Variants in BARD1 observed in about 807,000 individuals in gnomAD.
BARD1 encodes the protein BRCA1 associated RING domain 1.
In BARD1, 73 loss-of-function variants were observed where a neutral mutation model predicts 77.0. That is an observed-to-expected ratio of 0.95 (90% CI 0.79 to 1.15). BARD1 has a LOEUF of 1.15. Ranked by LOEUF, BARD1 falls within the 50% of genes most tolerant of loss-of-function variation. The pLI, the probability that BARD1 is intolerant of heterozygous loss-of-function variation, is 0.00. For synonymous variants in BARD1, 384 were observed against 338.0 expected (o/e 1.14, Z -1.49); for missense variants, 993 against 938.8 (o/e 1.06, Z -0.75).
At chr2:214,800,386 G>A (rs992538352) in intron 1 of BARD1, among the ~76,000 whole-genome samples, 1 of 152,106 alleles carries the variant, frequency 6.6e-6, no homozygotes, top group Non-Finnish European at 1.5e-5. Flanking sequence ...TGAGAGAGAA[G>A]GGAGTGCCAA....
intron 9 of BARD1, among the ~76,000 whole-genome samples, chr2:214,742,247 C>G (rs1692870653): frequency 6.6e-6 from 1 of 152,006 alleles, no homozygotes; most frequent in African/African-American, 2.4e-5. Flanking sequence ...TCAAACTGAG[C>G]CAGGTGCAGT....
At chr2:214,789,662 C>T (rs1313727721) in intron 3 of BARD1, among the ~76,000 whole-genome samples, 1 of 152,028 alleles carries the variant, frequency 6.6e-6, no homozygotes, top group African/African-American at 2.4e-5. Flanking sequence ...CACTTCGAAC[C>T]AAAAAGTTGT....
chr2:214,732,047 T>C (rs934393987), intron 9 of BARD1, among the ~76,000 whole-genome samples: 1 of 152,164 alleles, frequency 6.6e-6, no homozygotes, highest in Non-Finnish European at 1.5e-5. Context: ...CTTAAAATGA[T>C]CAGAAAAAAA....
chr2:214,731,349 C>T (rs1692348220), intron 9 of BARD1, among the ~76,000 whole-genome samples: 1 of 152,140 alleles, frequency 6.6e-6, no homozygotes, highest in South Asian at 2.1e-4. Context: ...CCTTGGGATT[C>T]CCAGGACCAA....
intron 6 of BARD1, among the ~76,000 whole-genome samples, chr2:214,760,225 C>T (rs576011258): frequency 8.5e-5 from 13 of 152,222 alleles, no homozygotes; most frequent in Non-Finnish European, 1.8e-4. Flanking sequence ...CCGAGTCTCG[C>T]TCTGTCCCCC....
chr2:214,802,445 T>A (rs1486835088), intron 1 of BARD1, among the ~76,000 whole-genome samples: 1 of 152,242 alleles, frequency 6.6e-6, no homozygotes, highest in Non-Finnish European at 1.5e-5. Context: ...ATTTTAAACT[T>A]ACTATGGGTT....
Position 214,781,355 on chromosome 2 carries a change from T to G in BARD1, c.519A>C (p.Ala173=). ...VQTQPAIKKD[A]SAQQDSYEFV... ...ATTCATATGAGTCTTGCTGAGCACT[T>G]GCATCTTTTTTTATTGCAGGCTGGG... is the stretch of plus-strand genomic sequence containing the variant. The change falls in exon 4 of 11, where the codon GCA becomes GCC. Residue 173 remains alanine (A), a synonymous_variant. Transcript: ENST00000260947. 1 of 1,613,786 alleles carries G rather than the reference T, an allele frequency of 6.2e-7. No homozygotes were observed. The highest frequency in any genetic ancestry group is 8.5e-7 in the Non-Finnish European group (1 of 1,179,918).
chr2:214,809,294 G>T, intron 1 of BARD1, 118 bp downstream of exon 1: 2 of 1,447,642 alleles, frequency 1.4e-6, no homozygotes, highest in South Asian at 2.4e-5. Context: ...ACCGCACGCC[G>T]ACCCGACTGC....
At chr2:214,794,220 C>T (rs1392765154) in intron 2 of BARD1, among the ~76,000 whole-genome samples, 3 of 152,116 alleles carry the variant, frequency 2.0e-5, no homozygotes, top group Non-Finnish European at 4.4e-5. Context: ...CACTGCACTC[C>T]AGCCTGGGTG....
intron 1 of BARD1, 90 bp downstream of exon 1, chr2:214,809,322 A>T: frequency 1.9e-6 from 3 of 1,553,744 alleles, no homozygotes; most frequent in Non-Finnish European, 2.6e-6. Flanking sequence ...GAACGGAAGG[A>T]GGAAACGGAA....
intron 8 of BARD1, 44 bp from the exon 9 acceptor site, chr2:214,745,203 A>G (rs1394037460): frequency 6.5e-7 from 1 of 1,538,768 alleles, no homozygotes. Flanking sequence ...GATACAAGCC[A>G]AAGTATTTCT....
At chr2:214,799,442 T>C (rs1252157460) in intron 1 of BARD1, among the ~76,000 whole-genome samples, 1 of 152,246 alleles carries the variant, frequency 6.6e-6, no homozygotes, top group Non-Finnish European at 1.5e-5. Flanking sequence ...ACAATCTCTA[T>C]GCTTCCTCAT....
At position 214,745,124 on chromosome 2, in the gene BARD1, T is replaced by C; in HGVS notation, c.1846A>G (p.Ser616Gly). 2 of 1,614,090 alleles carry C rather than the reference T, an allele frequency of 1.2e-6. No individual in the cohort carries two copies. The highest frequency in any genetic ancestry group is 1.7e-6 in the Non-Finnish European group (2 of 1,179,970). The change falls in exon 9 of 11, where the codon AGT becomes GGT. Residue 616 changes from serine (S) to glycine (G), a missense_variant. Ser to Gly is a moderately conservative substitution (Grantham distance 56, BLOSUM62 0). Coordinates refer to ENST00000260947, the MANE Select transcript of BARD1 (RefSeq NM_000465.4). ...HVVVPGDAVQ[S>G]TLKCMLGILN... The stretch of plus-strand genomic sequence containing the variant: ...ATCCCAAGCATACACTTCAAGGTAC[T>C]TTGAACTGCATCACCAGGAACAACA...
intron 9 of BARD1, among the ~76,000 whole-genome samples, chr2:214,740,000 A>C (rs985738434): frequency 1.3e-5 from 2 of 152,198 alleles, no homozygotes; most frequent in Non-Finnish European, 2.9e-5. Context: ...TATTATGCAT[A>C]ATAATATCAA....
At position 214,780,549 on chromosome 2, in the gene BARD1, A is replaced by C. The variant is rs192972931; in HGVS notation, c.1314+11T>G. 3.7e-5 allele frequency: 59 copies of C among 1,609,646 alleles called. No homozygotes were observed. In the African/African-American group the frequency reaches 6.5e-4, roughly 18 times the overall value. On this transcript the variant is annotated intron_variant, in intron 4 of 10. Transcript: ENST00000260947. ...TCATTCTGAGATGGTATTTCAGAGT[A>C]AGCATCCTACCTTAATAGAAGCAAT...
chr2:214,789,149 AT>A (rs1472790581), intron 3 of BARD1, among the ~76,000 whole-genome samples: 1 of 152,156 alleles, frequency 6.6e-6, no homozygotes, highest in African/African-American at 2.4e-5. Context: ...TACCATTATA[AT>A]TTTTTAAGAA....
chr2:214,782,687 A>T (rs988010645), intron 3 of BARD1, among the ~76,000 whole-genome samples: 2 of 152,160 alleles, frequency 1.3e-5, no homozygotes, highest in Non-Finnish European at 1.5e-5. Context: ...AATTAAGGTC[A>T]TCAAGGAAGG....
intron 4 of BARD1, 51 bp downstream of exon 4, chr2:214,780,509 G>T: frequency 6.7e-7 from 1 of 1,502,868 alleles, no homozygotes; most frequent in Non-Finnish European, 9.2e-7. Flanking sequence ...CAAAGAAATT[G>T]CTTTATAGTT....
chr2:214,787,968 C>T (rs1278847780), intron 3 of BARD1, among the ~76,000 whole-genome samples: 1 of 151,854 alleles, frequency 6.6e-6, no homozygotes, highest in African/African-American at 2.4e-5. Flanking sequence ...AACATTAACG[C>T]CTTCACTGAA....
Sources: allele counts gnomAD v4.1 joint callset (sites outside exome capture counted in the v4.1 genomes callset), GRCh38; gene constraint gnomAD v4.1.1; transcripts MANE v1.5; gene names NCBI Gene and HGNC (gene_info 2026-07-23, HGNC 2026-07-21).